The following BICD1 variants were observed in gnomAD, a reference collection of about 807,000 sequenced individuals.
BICD1 encodes the protein BICD cargo adaptor 1.
BICD1 carries 35 observed loss-of-function variants against 92.5 expected under a neutral mutation model. The ratio of observed to expected loss-of-function variants is 0.38; its 90% CI spans 0.29 to 0.50. BICD1 has a LOEUF of 0.50. BICD1 is among the 20% of genes least tolerant of loss of function. The pLI is 0.93. For synonymous variants in BICD1, 429 were observed against 465.1 expected (o/e 0.92, Z 1.00); for missense variants, 950 against 1,189.8 (o/e 0.80, Z 2.97).
At chr12:32,299,355 C>A (rs1458965851) in intron 3 of BICD1, among the ~76,000 whole-genome samples, 1 of 152,150 alleles carries the variant, frequency 6.6e-6, no homozygotes, top group Non-Finnish European at 1.5e-5. Context: ...CATGGTGCAG[C>A]CTTACAACAA....
intron 2 of BICD1, among the ~76,000 whole-genome samples, chr12:32,274,793 G>A (rs1266449084): frequency 6.6e-6 from 1 of 152,136 alleles, no homozygotes; most frequent in Non-Finnish European, 1.5e-5. Context: ...GAACTAGACA[G>A]TCTGAGTTTG....
intron 4 of BICD1, among the ~76,000 whole-genome samples, chr12:32,325,821 T>A (rs1043862617): frequency 2.0e-5 from 3 of 151,938 alleles, no homozygotes; most frequent in African/African-American, 7.2e-5. Context: ...ACGCCTATAA[T>A]CTTTGGGAGT....
intron 2 of BICD1, among the ~76,000 whole-genome samples, chr12:32,264,771 G>T (rs1432252471): frequency 6.6e-6 from 1 of 152,168 alleles, no homozygotes; most frequent in African/African-American, 2.4e-5. Flanking sequence ...TTACAGGTGT[G>T]AGCCACCATG....
intron 2 of BICD1, among the ~76,000 whole-genome samples, chr12:32,223,076 G>A (rs1011107450): frequency 2.0e-5 from 3 of 152,228 alleles, no homozygotes; most frequent in African/African-American, 7.2e-5. Flanking sequence ...ATCACTTGCT[G>A]CATTCAGTTA....
chr12:32,160,785 G>C (rs1943575492), intron 1 of BICD1, among the ~76,000 whole-genome samples: 1 of 138,878 alleles, frequency 7.2e-6, no homozygotes, highest in African/African-American at 2.7e-5. Flanking sequence ...TTAAGTTTCA[G>C]GTATCATACA....
At chr12:32,357,230 C>T (rs1391958411) in intron 8 of BICD1, among the ~76,000 whole-genome samples, 6 of 152,010 alleles carry the variant, frequency 3.9e-5, no homozygotes, top group Non-Finnish European at 7.4e-5. Flanking sequence ...CCAGGCTGGT[C>T]TCGAACTCCT....
Position 32,327,635 on chromosome 12 carries a change from G to C in BICD1, c.1180G>C (p.Glu394Gln), listed in dbSNP as rs1249842043. Reference protein sequence around the residue: ...SKELKAELDGEKGRDSGEEAH... With the variant: ...SKELKAELDGQKGRDSGEEAH... ...GGAGCTCAAGGCTGAGCTGGACGGGGAGAAGGGCCGGGACTCAGGGGAGGA... is the reference window on the plus strand; with the variant it reads ...GGAGCTCAAGGCTGAGCTGGACGGGCAGAAGGGCCGGGACTCAGGGGAGGA... Residue 394 changes from glutamate (E) to glutamine (Q), a missense_variant, in exon 5 of 10, where the codon GAG (glutamate) becomes CAG (glutamine). Coordinates refer to ENST00000652176, the MANE Select transcript of BICD1 (RefSeq NM_001714.4). 1.2e-6 allele frequency: 2 copies of C among 1,614,118 alleles called. No homozygotes were observed. The highest frequency in any genetic ancestry group is 2.2e-5 in the South Asian group (2 of 91,070).
At chr12:32,112,000 C>G (rs1941712894) in intron 1 of BICD1, among the ~76,000 whole-genome samples, 1 of 134,804 alleles carries the variant, frequency 7.4e-6, no homozygotes, top group African/African-American at 3.0e-5. Context: ...TTGCACTATC[C>G]CTTTTTTTTT....
At chr12:32,205,907 A>G (rs186508015) in intron 1 of BICD1, among the ~76,000 whole-genome samples, 55 of 151,904 alleles carry the variant, frequency 3.6e-4, no homozygotes, top group Admixed American at 8.5e-4. Context: ...TGTTGTCACT[A>G]TAGATTAGTT....
chr12:32,241,605 T>A (rs149286520), intron 2 of BICD1, among the ~76,000 whole-genome samples: 3,690 of 152,308 alleles, frequency 0.024, 56 homozygotes, highest in African/African-American at 0.031. Flanking sequence ...GAAATTGATC[T>A]GTTCTCCATT....
chr12:32,377,657 G>T lies in BICD1; in HGVS notation c.*30G>T, dbSNP rs1026780479. 3 of 1,585,164 alleles carry T rather than the reference G, an allele frequency of 1.9e-6. No individual in the cohort carries two copies. Among genetic ancestry groups the T allele is most frequent in the Non-Finnish European group, 2.6e-6 (3 of 1,153,990 alleles). ...CATCTCCTGTGGACGAACATCTGGG[G>T]TGGAAGTTTTGTAGCCACACACAGG... On this transcript the variant is annotated 3_prime_UTR_variant, in exon 10 of 10. Coordinates refer to ENST00000652176, the MANE Select transcript of BICD1 (RefSeq NM_001714.4).
chr12:32,147,318 TCA>T (rs1943143408), intron 1 of BICD1, among the ~76,000 whole-genome samples: 1 of 152,150 alleles, frequency 6.6e-6, no homozygotes, highest in African/African-American at 2.4e-5. Context: ...ATTGAGAGAC[TCA>T]CAGGAACAAG....
In BICD1 at chr12:32,313,171, A is replaced by G. The variant is rs1948422464; in HGVS notation, c.1005+7049A>G. Among the ~76,000 whole-genome samples the G allele has an allele frequency of 6.6e-6, 1 of 152,158 alleles. No individual in the cohort carries two copies. The highest frequency in any genetic ancestry group is 2.4e-5 in the African/African-American group (1 of 41,438). On this transcript the variant is annotated intron_variant, in intron 4 of 9. Transcript: ENST00000652176. This position sits in a 1 kb window ranked among gnomAD's most constrained non-coding sequence, Gnocchi z 4.2. ...AATTTCACATGTAGTATGAGAAAACAGTAATGTTTCTGTAAAACTAAAATT... is the reference window on the plus strand; with the variant it reads ...AATTTCACATGTAGTATGAGAAAACGGTAATGTTTCTGTAAAACTAAAATT...
At chr12:32,324,722 C>T (rs912071249) in intron 4 of BICD1, among the ~76,000 whole-genome samples, 10 of 151,966 alleles carry the variant, frequency 6.6e-5, no homozygotes, top group Non-Finnish European at 1.0e-4. Flanking sequence ...ATTACAGGTG[C>T]GTGCCACCTT....
At chr12:32,321,931 G>A (rs1253227683) in intron 4 of BICD1, among the ~76,000 whole-genome samples, 5 of 151,414 alleles carry the variant, frequency 3.3e-5, no homozygotes, top group Admixed American at 6.6e-5. Context: ...CCTAGAAGGC[G>A]GAGGTTGCAG....
intron 3 of BICD1, among the ~76,000 whole-genome samples, chr12:32,301,455 T>A (rs1948042809): frequency 6.6e-6 from 1 of 151,936 alleles, no homozygotes; most frequent in Non-Finnish European, 1.5e-5. Context: ...AAGCAGCTTA[T>A]AAATAGCATT....
intron 1 of BICD1, among the ~76,000 whole-genome samples, chr12:32,215,806 T>G (rs60105428): frequency 0.21 from 31,077 of 150,266 alleles, 3,795 homozygotes; most frequent in East Asian, 0.45. Context: ...AAAAAAAAAT[T>G]AGCCGGGCGT....
At chr12:32,149,913 G>A (rs546962431) in intron 1 of BICD1, among the ~76,000 whole-genome samples, 2 of 152,294 alleles carry the variant, frequency 1.3e-5, no homozygotes, top group East Asian at 3.9e-4. Context: ...TTCTCATGCT[G>A]CTAATAAAGA....
At chr12:32,268,976 A>G (rs1411333920) in intron 2 of BICD1, among the ~76,000 whole-genome samples, 3 of 152,142 alleles carry the variant, frequency 2.0e-5, no homozygotes, top group African/African-American at 7.2e-5. Context: ...GTCAAACTGT[A>G]GTGTGAATCA....
Sources: gnomAD v4.1 joint callset for allele counts (sites outside exome capture counted in the v4.1 genomes callset) on GRCh38, gnomAD v4.1.1 for gene constraint, Gnocchi (gnomAD v3.1) non-coding constraint, MANE v1.5 for transcripts, NCBI Gene and HGNC (gene_info 2026-07-23, HGNC 2026-07-21) for gene names.